Variants in LRBA observed in about 807,000 individuals in gnomAD.
LRBA encodes the protein lipopolysaccharide-responsive and beige-like anchor protein.
A neutral mutation model predicts 330.0 loss-of-function variants in LRBA; 176 were observed. That is an observed-to-expected ratio of 0.53 (90% confidence interval 0.47 to 0.60). The LOEUF (loss-of-function observed/expected upper bound fraction) is 0.60, where lower values mean the gene tolerates loss of function less well. Among genes scored for constraint, LRBA ranks in the 20% least tolerant of loss-of-function variants. The pLI is 0.00. For synonymous variants in LRBA, 1,230 were observed against 1,193.0 expected (o/e 1.03, Z -0.64); for missense variants, 3,259 against 3,444.8 (o/e 0.95, Z 1.35).
At chr4:150,363,199 G>T (rs1056416319) in intron 47 of LRBA, among the ~76,000 whole-genome samples, 1 of 151,998 alleles carries the variant, frequency 6.6e-6, no homozygotes, top group East Asian at 1.9e-4. Context: ...TGATATCTTT[G>T]TTCACAGCGC....
At chr4:150,417,541 G>A (rs145596219) in intron 46 of LRBA, among the ~76,000 whole-genome samples, 37 of 152,098 alleles carry the variant, frequency 2.4e-4, no homozygotes, top group African/African-American at 7.0e-4. Context: ...AGTAATACCC[G>A]CTGCCCACTT....
At chr4:150,666,986 G>T (rs1023207158) in intron 37 of LRBA, among the ~76,000 whole-genome samples, 5 of 152,144 alleles carry the variant, frequency 3.3e-5, no homozygotes, top group African/African-American at 1.2e-4. Flanking sequence ...AACCCAGAGA[G>T]ACTAAGTGGT....
At chr4:150,905,722 A>G in intron 13 of LRBA, 116 bp downstream of exon 13, 3 of 862,400 alleles carry the variant, frequency 3.5e-6, no homozygotes, top group Non-Finnish European at 3.5e-6. Context: ...AAAGCAATCC[A>G]CTGAAGTCTT....
At chr4:150,441,052 T>G (rs974860266) in intron 44 of LRBA, among the ~76,000 whole-genome samples, 12 of 152,090 alleles carry the variant, frequency 7.9e-5, no homozygotes, top group African/African-American at 2.2e-4. Flanking sequence ...TGAGAAGTAA[T>G]TTTGCTAGTT....
At chr4:150,957,021 CGTGTGT>C (rs774370123) in intron 2 of LRBA, among the ~76,000 whole-genome samples, 1 of 148,522 alleles carries the variant, frequency 6.7e-6, no homozygotes. Context: ...TGAGTGTGTG[CGTGTGT>C]GTGTATGTGT....
intron 37 of LRBA, among the ~76,000 whole-genome samples, chr4:150,648,599 G>A (rs1423986939): frequency 1.3e-5 from 2 of 151,510 alleles, no homozygotes; most frequent in African/African-American, 4.9e-5. Context: ...ATAGAGTACT[G>A]CCTCTGATTG....
chr4:150,326,515 T>C (rs1733287745), intron 48 of LRBA, among the ~76,000 whole-genome samples: 1 of 152,190 alleles, frequency 6.6e-6, no homozygotes, highest in African/African-American at 2.4e-5. Context: ...TGTGCTCTTT[T>C]TGAAAGACGT....
chr4:150,499,750 TTAAATATATTGGAATA>T (rs1304506293), intron 40 of LRBA, among the ~76,000 whole-genome samples: 3 of 152,150 alleles, frequency 2.0e-5, no homozygotes. Context: ...AAAACTAACT[TTAAATATATTGGAATA>T]TTTCACAATA....
rs10641158 is a variant in LRBA at position 150,396,480 on chromosome 4, T to TCACACACACACACACA, written c.7194+18942_7194+18957dup. Among the ~76,000 whole-genome samples the TCACACACACACACACA allele has an allele frequency of 9.3e-3, 1,361 of 145,838 alleles. 8 individuals carry two copies. The highest frequency in any genetic ancestry group is 0.016 in the African/African-American group (616 of 39,398). On this transcript the variant is annotated intron_variant, in intron 47 of 56. Coordinates refer to ENST00000651943, the MANE Select transcript of LRBA (RefSeq NM_001364905.1). ...GCCAATTCCCATAATAAATCTCATC[T>TCACACACACACACACA]CACACACACACACACACACACACAC... is the stretch of plus-strand genomic sequence containing the variant.
intron 37 of LRBA, among the ~76,000 whole-genome samples, chr4:150,652,558 G>A (rs1049910788): frequency 1.3e-5 from 2 of 151,800 alleles, no homozygotes; most frequent in African/African-American, 2.4e-5. Flanking sequence ...ACATTTTAAA[G>A]TTTTCTAACA....
chr4:150,867,735 G>C lies in LRBA; in HGVS notation c.2702C>G (p.Ala901Gly). Residue 901 changes from alanine to glycine, a missense_variant, in exon 22 of 57, where the codon GCA (alanine) becomes GGA (glycine). Ala to Gly is a moderately conservative substitution (Grantham distance 60, BLOSUM62 0). Transcript: ENST00000651943. ...CCAGCCACCCCACTCATATTTGACT[G>C]CATGGTAAAGCAGGATTCTGAATAT... ...YAIFRILLYHAVKYEWGGWRV... is the reference protein window; with the variant it reads ...YAIFRILLYHGVKYEWGGWRV... 6.2e-7 allele frequency: 1 copy of C among 1,613,716 alleles called. No homozygotes were observed.
chr4:150,379,303 C>CAAAAAAAAAAAAA (rs10634420), intron 47 of LRBA, among the ~76,000 whole-genome samples: 3 of 59,880 alleles, frequency 5.0e-5, no homozygotes, highest in Admixed American at 2.6e-4. Flanking sequence ...AACTCTAGCT[C>CAAAAAAAAAAAAA]AAAAAAAAAA....
At chr4:150,779,103 T>C (rs537894676) in intron 34 of LRBA, among the ~76,000 whole-genome samples, 2 of 152,294 alleles carry the variant, frequency 1.3e-5, no homozygotes, top group South Asian at 2.1e-4. Context: ...ACATATTTAT[T>C]TTATAAGAAT....
chr4:150,572,109 A>G (rs914735689), intron 40 of LRBA, among the ~76,000 whole-genome samples: 36 of 152,204 alleles, frequency 2.4e-4, no homozygotes, highest in African/African-American at 7.7e-4. Flanking sequence ...TATCTTTTTA[A>G]AATGTAAATA....
intron 37 of LRBA, among the ~76,000 whole-genome samples, chr4:150,636,228 G>C (rs1375806366): frequency 3.4e-5 from 5 of 147,468 alleles, no homozygotes; most frequent in Non-Finnish European, 6.0e-5. Flanking sequence ...TTTTTGAGGA[G>C]GTACTTTGGA....
intron 40 of LRBA, among the ~76,000 whole-genome samples, chr4:150,549,900 T>C (rs988659281): frequency 6.6e-6 from 1 of 152,190 alleles, no homozygotes; most frequent in African/African-American, 2.4e-5. Flanking sequence ...GAGTACTAAA[T>C]GGCACTATCA....
Position 150,805,536 on chromosome 4 carries a change from A to AGG in LRBA, c.5518+734_5518+735insCC, listed in dbSNP as rs1560842379. ...AAGGAAAGGAAAAGGAAAGGAAAGGAAGGGAGAAGGAAAGGAAAGGAAAGG... is the reference window on the plus strand; with the variant it reads ...AAGGAAAGGAAAAGGAAAGGAAAGGAGGAGGGAGAAGGAAAGGAAAGGAAAGG... On this transcript the variant is annotated intron_variant, in intron 33 of 56. Transcript: ENST00000651943. Among the ~76,000 whole-genome samples, 132 of 124,552 alleles carry AGG rather than the reference A, an allele frequency of 1.1e-3. 6 individuals are homozygous for AGG. Among genetic ancestry groups the AGG allele is most frequent in the African/African-American group, 3.7e-3 (110 of 29,808 alleles). 81.7% of individuals were successfully genotyped at this position (124,552 alleles called of 152,430 possible). A position where few individuals can be genotyped will look rare whatever the true frequency, so the allele number is the denominator to read the frequency against.
At chr4:150,309,892 C>CTG (rs933752522) in intron 52 of LRBA, among the ~76,000 whole-genome samples, 6 of 152,086 alleles carry the variant, frequency 3.9e-5, no homozygotes, top group East Asian at 1.9e-4. Context: ...AAATACACTT[C>CTG]TGTGTGTGTG....
intron 44 of LRBA, among the ~76,000 whole-genome samples, chr4:150,466,462 A>T (rs936291688): frequency 1.3e-5 from 2 of 152,106 alleles, no homozygotes; most frequent in Admixed American, 6.6e-5. Flanking sequence ...GCTTTACATA[A>T]ACACTTACCT....
Sources: gnomAD v4.1 joint callset for allele counts (sites outside exome capture counted in the v4.1 genomes callset) on GRCh38, gnomAD v4.1.1 for gene constraint, MANE v1.5 for transcripts, NCBI Gene and HGNC (gene_info 2026-07-23, HGNC 2026-07-21) for gene names.